The following SRGAP1 variants were observed in gnomAD, a reference collection of about 807,000 sequenced individuals.
The protein encoded by SRGAP1 is SLIT-ROBO Rho GTPase activating protein 1, also known as SLIT-ROBO Rho GTPase-activating protein 1.
A neutral mutation model predicts 121.9 loss-of-function variants in SRGAP1; 43 were observed. The observed-to-expected ratio is 0.35, with a 90% CI of 0.28 to 0.46. The LOEUF (loss-of-function observed/expected upper bound fraction) is 0.46, where lower values mean the gene tolerates loss of function less well. Among genes scored for constraint, SRGAP1 ranks in the 20% least tolerant of loss-of-function variants. The pLI is 1.00. For synonymous variants in SRGAP1, 447 were observed against 485.4 expected (o/e 0.92, Z 1.04); for missense variants, 1,102 against 1,350.9 (o/e 0.82, Z 2.89).
chr12:64,026,664 C>T (rs1261289172), intron 4 of SRGAP1, among the ~76,000 whole-genome samples: 1 of 151,458 alleles, frequency 6.6e-6, no homozygotes. Context: ...GTCAGGAGTT[C>T]GAGACCAGCC....
At chr12:64,013,482 G>T (rs1009851496) in intron 3 of SRGAP1, among the ~76,000 whole-genome samples, 1 of 152,150 alleles carries the variant, frequency 6.6e-6, no homozygotes. Flanking sequence ...TAATTTCTAC[G>T]TTATTTACCT....
chr12:64,145,610 C>T lies in SRGAP1; in HGVS notation c.*2938C>T, dbSNP rs1471846098. ...GGTATGACCTCAGAGTGAGTGAGGA[C>T]TCAGTAAAGACTCACCTCTCCTTAC... On this transcript the variant is annotated 3_prime_UTR_variant, in exon 22 of 22. Coordinates refer to ENST00000355086, the MANE Select transcript of SRGAP1 (RefSeq NM_020762.4). 6.6e-6 allele frequency: 1 copy of T among 151,394 alleles called. No individual in the cohort carries two copies. Among genetic ancestry groups the T allele is most frequent in the African/African-American group, 2.4e-5 (1 of 41,122 alleles). The allele number at this position is 151,394 out of a possible 1,614,324, so 9.4% of individuals were successfully genotyped here.
At chr12:64,126,788 G>A (rs549502426) in intron 19 of SRGAP1, among the ~76,000 whole-genome samples, 9 of 152,186 alleles carry the variant, frequency 5.9e-5, no homozygotes, top group African/African-American at 2.2e-4. Context: ...GCCAAGAAAT[G>A]TGTGTATATG....
chr12:63,976,396 C>T (rs1425922857), intron 1 of SRGAP1, among the ~76,000 whole-genome samples: 1 of 152,144 alleles, frequency 6.6e-6, no homozygotes, highest in Non-Finnish European at 1.5e-5. Context: ...CTCTTTGTGC[C>T]CTTGCCTTCT....
rs946997093 is a variant in SRGAP1 at position 64,146,377 on chromosome 12, G to A, written c.*3705G>A. ...TTCTAACTTTTGCTATCCCCCCCGC[G>A]ACCAAAAAAAGGGGGGGTTTATAAT... On this transcript the variant is annotated 3_prime_UTR_variant, in exon 22 of 22. Transcript: ENST00000355086. 3 of 151,068 alleles carry A rather than the reference G, an allele frequency of 2.0e-5. No individual in the cohort carries two copies. Among genetic ancestry groups the A allele is most frequent in the Non-Finnish European group, 4.4e-5 (3 of 67,726 alleles). 9.4% of individuals were successfully genotyped at this position (151,068 alleles called of 1,614,324 possible).
At chr12:63,846,335 C>T (rs921087409) in intron 1 of SRGAP1, among the ~76,000 whole-genome samples, 1 of 152,092 alleles carries the variant, frequency 6.6e-6, no homozygotes, top group African/African-American at 2.4e-5. Flanking sequence ...CCTTTCATTC[C>T]AGGGCAGTAC....
rs573908746 is a variant in SRGAP1, at chr12:64,146,550, G to C, written c.*3878G>C. Reference sequence around the variant, plus strand: ...AAAGAGCCTATGTGTCTCTTGAGGCGGGGGTTAGAGGATTCAAATTTGGGA... The same window carrying C: ...AAAGAGCCTATGTGTCTCTTGAGGCCGGGGTTAGAGGATTCAAATTTGGGA... On this transcript the variant is annotated 3_prime_UTR_variant, in exon 22 of 22. Coordinates refer to ENST00000355086, the MANE Select transcript of SRGAP1 (RefSeq NM_020762.4). 3.3e-5 allele frequency: 5 copies of C among 152,246 alleles called. No individual in the cohort carries two copies. In the East Asian group the frequency reaches 9.7e-4, roughly 29 times the overall value. The allele number at this position is 152,246 out of a possible 1,614,324, so 9.4% of individuals were successfully genotyped here. A position where few individuals can be genotyped will look rare whatever the true frequency, so the allele number is the denominator to read the frequency against.
chr12:64,127,347 T>C (rs887829227), intron 19 of SRGAP1, among the ~76,000 whole-genome samples: 2 of 152,224 alleles, frequency 1.3e-5, no homozygotes, highest in Admixed American at 6.5e-5. Flanking sequence ...CTCTGGATGT[T>C]ATATTATGGG....
intron 3 of SRGAP1, among the ~76,000 whole-genome samples, chr12:63,993,924 T>A (rs993916262): frequency 1.2e-4 from 19 of 152,208 alleles, no homozygotes; most frequent in Non-Finnish European, 2.9e-5. Context: ...CTGATTATTT[T>A]AGATTTATGC....
In SRGAP1 at chr12:64,080,321, C is replaced by T. The variant is rs1404514142; in HGVS notation, c.1359C>T (p.Ile453=). The T allele has an allele frequency of 1.9e-6, 3 of 1,613,714 alleles. No homozygotes were observed. Among genetic ancestry groups the T allele is most frequent in the South Asian group, 1.1e-5 (1 of 91,038 alleles). The change falls in exon 10 of 22, where the codon ATC becomes ATT. Residue 453 remains isoleucine (I), a synonymous_variant. Coordinates refer to ENST00000355086, the MANE Select transcript of SRGAP1 (RefSeq NM_020762.4). ...LREYLEGSNL[I]TKLQAKHDLL... is the part of the protein sequence containing the mutation. ...AATATTTGGAAGGCAGTAATCTCAT[C>T]ACAAAACTTCAAGCCAAACATGACT... is the stretch of plus-strand genomic sequence containing the variant.
At chr12:64,086,200 T>G (rs371598337) in intron 10 of SRGAP1, among the ~76,000 whole-genome samples, 22 of 152,336 alleles carry the variant, frequency 1.4e-4, no homozygotes, top group African/African-American at 5.3e-4. Context: ...ATGTCATTAT[T>G]TTGCAAACAA....
At chr12:63,873,994 C>T (rs187898606) in intron 1 of SRGAP1, among the ~76,000 whole-genome samples, 13 of 151,832 alleles carry the variant, frequency 8.6e-5, no homozygotes, top group African/African-American at 2.4e-4. Flanking sequence ...ATCTGCACCA[C>T]TGCACTCCAG....
At chr12:64,002,519 G>T (rs1304439654) in intron 3 of SRGAP1, among the ~76,000 whole-genome samples, 1 of 152,196 alleles carries the variant, frequency 6.6e-6, no homozygotes, top group African/African-American at 2.4e-5. Flanking sequence ...GTACTGGGGA[G>T]ATTTCAGAAG....
At chr12:64,086,941 A>G in intron 10 of SRGAP1, 58 bp from the exon 11 acceptor site, 1 of 1,304,222 alleles carries the variant, frequency 7.7e-7, no homozygotes, top group Non-Finnish European at 1.1e-6. Flanking sequence ...ACAAAAGAGT[A>G]CCACATACAC....
Position 63,984,149 on chromosome 12 carries a change from G to A in SRGAP1, c.263+7G>A. On this transcript the variant is annotated splice_region_variant and intron_variant, in intron 2 of 21. Coordinates refer to ENST00000355086, the MANE Select transcript of SRGAP1 (RefSeq NM_020762.4). ...AGGATCATCAACAATACAAGTAAGA[G>A]ATTTGAATCTAATTCACCTTTCCAA... 1 of 1,422,040 alleles carries A rather than the reference G, an allele frequency of 7.0e-7. No homozygotes were observed. Among genetic ancestry groups the A allele is most frequent in the African/African-American group, 1.4e-5 (1 of 69,510 alleles). 88.1% of individuals were successfully genotyped at this position (1,422,040 alleles called of 1,614,324 possible).
intron 1 of SRGAP1, among the ~76,000 whole-genome samples, chr12:63,943,038 A>C (rs1211784639): frequency 6.6e-6 from 1 of 152,212 alleles, no homozygotes; most frequent in Non-Finnish European, 1.5e-5. Flanking sequence ...ATGTTTCTCG[A>C]AAGTTTCAGA....
intron 21 of SRGAP1, among the ~76,000 whole-genome samples, chr12:64,135,914 A>G (rs939209746): frequency 2.0e-5 from 3 of 152,230 alleles, no homozygotes; most frequent in Admixed American, 2.0e-4. Context: ...CAGGCTGAGG[A>G]GCAAGGAGTC....
chr12:63,986,940 A>G (rs2033435328), intron 2 of SRGAP1, among the ~76,000 whole-genome samples: 1 of 152,182 alleles, frequency 6.6e-6, no homozygotes, highest in Non-Finnish European at 1.5e-5. Context: ...GGGACTGAAG[A>G]TAAGATGAAT....
At chr12:63,976,760 G>A (rs1428123209) in intron 1 of SRGAP1, among the ~76,000 whole-genome samples, 3 of 152,014 alleles carry the variant, frequency 2.0e-5, no homozygotes, top group Admixed American at 6.6e-5. Context: ...ATGAAATTCC[G>A]AGAGGTTGAG....
Sources: allele counts gnomAD v4.1 joint callset (sites outside exome capture counted in the v4.1 genomes callset), GRCh38; gene constraint gnomAD v4.1.1; transcripts MANE v1.5; gene names NCBI Gene and HGNC (gene_info 2026-07-23, HGNC 2026-07-21).